Variants in NME7 observed in about 807,000 individuals in gnomAD.
The protein encoded by NME7 is NME/NM23 family member 7.
A neutral mutation model predicts 49.1 loss-of-function variants in NME7; 41 were observed. That is an observed-to-expected ratio of 0.83 (90% CI 0.65 to 1.08). NME7 has a LOEUF of 1.08. Ranked by LOEUF, NME7 falls within the 50% of genes least tolerant of loss-of-function variation. The pLI, the probability that NME7 is intolerant of heterozygous loss-of-function variation, is 0.00. For missense variants in NME7, 423 were observed against 463.4 expected, an observed-to-expected ratio of 0.91 and a Z score of 0.80; for synonymous variants, 139 against 150.6, an observed-to-expected ratio of 0.92 and a Z score of 0.56.
At chr1:169,270,022 C>T (rs1473081285) in intron 7 of NME7, among the ~76,000 whole-genome samples, 2 of 133,456 alleles carry the variant, frequency 1.5e-5, no homozygotes, top group East Asian at 4.0e-4. Flanking sequence ...CCTCCTACCT[C>T]GGCCTCCTAG....
At chr1:169,209,323 C>T (rs1249556319) in intron 10 of NME7, among the ~76,000 whole-genome samples, 1 of 151,914 alleles carries the variant, frequency 6.6e-6, no homozygotes, top group African/African-American at 2.4e-5. Context: ...TTTATATGTA[C>T]GTGATATTTA....
rs1410414192 is a variant in NME7 at position 169,276,470 on chromosome 1, T to G, written c.754+10833A>C. The stretch of plus-strand genomic sequence containing the variant: ...TTTCTTCTCGATTTTCTAGTTTATT[T>G]GCGTAGAGGTGTTTGTAGTATTCTC... On this transcript the variant is annotated intron_variant, in intron 7 of 11. Transcript: ENST00000367811. 5.2e-5 allele frequency among the ~76,000 whole-genome samples: 7 copies of G among 133,936 alleles called. 1 individual carries two copies. The highest frequency in any genetic ancestry group is 1.8e-4 in the African/African-American group (7 of 39,572). The allele number at this position is 133,936 out of a possible 152,430, so 87.9% of individuals were successfully genotyped here.
chr1:169,319,744 G>A (rs1363906241), intron 3 of NME7, among the ~76,000 whole-genome samples: 2 of 151,976 alleles, frequency 1.3e-5, no homozygotes, highest in African/African-American at 4.8e-5. Context: ...TTAATAGATG[G>A]GCACAAGAAT....
At chr1:169,211,915 T>C (rs1660832564) in intron 10 of NME7, among the ~76,000 whole-genome samples, 1 of 152,190 alleles carries the variant, frequency 6.6e-6, no homozygotes, top group Non-Finnish European at 1.5e-5. Context: ...AAAAATATGA[T>C]ACAATATTGT....
intron 10 of NME7, among the ~76,000 whole-genome samples, chr1:169,194,628 A>G (rs187551262): frequency 6.6e-6 from 1 of 152,280 alleles, no homozygotes; most frequent in Admixed American, 6.5e-5. Context: ...CACTCATTCT[A>G]TTTTACAGAA....
chr1:169,279,430 T>G (rs1649905243), intron 7 of NME7, among the ~76,000 whole-genome samples: 1 of 152,202 alleles, frequency 6.6e-6, no homozygotes, highest in Non-Finnish European at 1.5e-5. Flanking sequence ...CAACTTGCAG[T>G]TTGATCTCAC....
At chr1:169,224,687 C>G (rs1338579803) in intron 10 of NME7, among the ~76,000 whole-genome samples, 1 of 151,984 alleles carries the variant, frequency 6.6e-6, no homozygotes, top group Non-Finnish European at 1.5e-5. Flanking sequence ...AAAATCTATT[C>G]ATTTGTCCAG....
intron 9 of NME7, among the ~76,000 whole-genome samples, chr1:169,233,061 G>A (rs370693539): frequency 2.8e-4 from 43 of 151,278 alleles, no homozygotes; most frequent in African/African-American, 9.9e-4. Flanking sequence ...TGGGACTACA[G>A]GCACCCACCA....
chr1:169,280,979 C>T (rs1221618718), intron 7 of NME7, among the ~76,000 whole-genome samples: 1 of 151,892 alleles, frequency 6.6e-6, no homozygotes, highest in Non-Finnish European at 1.5e-5. Flanking sequence ...TAGTTTTTTT[C>T]CAATTCTGTG....
rs1292164786 is a variant in NME7, at chr1:169,275,740, G to A, written c.754+11563C>T. ...ACACTATGTTGAATAGGAGTGGTGA[G>A]AGAGGGCATCCCTGTCCTGTGCCAG... On this transcript the variant is annotated intron_variant, in intron 7 of 11. Coordinates refer to ENST00000367811, the MANE Select transcript of NME7 (RefSeq NM_013330.5). Among the ~76,000 whole-genome samples the A allele has an allele frequency of 4.5e-5, 6 of 132,850 alleles. 2 individuals are homozygous for A. Among genetic ancestry groups the A allele is most frequent in the Non-Finnish European group, 1.1e-4 (6 of 56,656 alleles). 87.2% of individuals were successfully genotyped at this position (132,850 alleles called of 152,430 possible).
chr1:169,330,604 G>A (rs541790738), intron 1 of NME7, among the ~76,000 whole-genome samples: 14 of 152,026 alleles, frequency 9.2e-5, no homozygotes, highest in Admixed American at 5.3e-4. Context: ...GCTTGAACCC[G>A]GGAGGAGGAG....
chr1:169,259,101 A>T lies in NME7; in HGVS notation c.755-21414T>A, dbSNP rs1286102689. 6.0e-5 allele frequency among the ~76,000 whole-genome samples: 8 copies of T among 134,340 alleles called. 4 individuals are homozygous for T. Among genetic ancestry groups the T allele is most frequent in the Non-Finnish European group, 1.4e-4 (8 of 57,218 alleles). 88.1% of individuals were successfully genotyped at this position (134,340 alleles called of 152,430 possible). A position where few individuals can be genotyped will look rare whatever the true frequency, so the allele number is the denominator to read the frequency against. ...AATTGTAAAATATTGAATACATTTTACATTGTAAAATATAAAATATACTTT... is the reference window on the plus strand; with the variant it reads ...AATTGTAAAATATTGAATACATTTTTCATTGTAAAATATAAAATATACTTT... On this transcript the variant is annotated intron_variant, in intron 7 of 11. Coordinates refer to ENST00000367811, the MANE Select transcript of NME7 (RefSeq NM_013330.5).
chr1:169,191,895 T>C (rs986273287), intron 10 of NME7, among the ~76,000 whole-genome samples: 1 of 152,190 alleles, frequency 6.6e-6, no homozygotes, highest in Non-Finnish European at 1.5e-5. Flanking sequence ...ACTCAGAATG[T>C]GGTCTGTGGT....
chr1:169,182,873 T>C (rs1250462810), intron 10 of NME7, among the ~76,000 whole-genome samples: 3 of 152,228 alleles, frequency 2.0e-5, no homozygotes, highest in Admixed American at 6.5e-5. Flanking sequence ...ACCAATAGTC[T>C]GGGCTCCTTA....
chr1:169,310,008 T>C lies in NME7; in HGVS notation c.351A>G (p.Gly117=), dbSNP rs770123118. The change falls in exon 4 of 12, where the codon GGA becomes GGG. Residue 117 remains glycine (G), a synonymous_variant. Transcript: ENST00000367811. ...GEIIEIINKA[G]FTITKLKMMM... is the part of the protein sequence containing the mutation. ...TCATTTTGAGTTTGGTTATAGTAAA[T>C]CCAGCTTTGTTTATTATTTCAATTA... is the stretch of plus-strand genomic sequence containing the variant. 3 of 1,606,290 alleles carry C rather than the reference T, an allele frequency of 1.9e-6. No individual in the cohort carries two copies. Among genetic ancestry groups the C allele is most frequent in the Non-Finnish European group, 2.6e-6 (3 of 1,176,196 alleles).
intron 7 of NME7, among the ~76,000 whole-genome samples, chr1:169,277,740 T>G (rs1649799862): frequency 9.6e-6 from 1 of 103,980 alleles, no homozygotes; most frequent in Non-Finnish European, 2.1e-5. Context: ...TGATGTTAGC[T>G]GGTTATTTTG....
chr1:169,266,978 G>C lies in NME7; in HGVS notation c.754+20325C>G, dbSNP rs1180372854. Among the ~76,000 whole-genome samples the C allele has an allele frequency of 2.3e-5, 3 of 133,074 alleles. 1 individual carries two copies. The highest frequency in any genetic ancestry group is 7.6e-5 in the African/African-American group (3 of 39,282). 87.3% of individuals were successfully genotyped at this position (133,074 alleles called of 152,430 possible). ...AGCTACTTGGGAGGCTGAGGCACAA[G>C]AATCGCTTGAACCTGGGAGGTGGAG... On this transcript the variant is annotated intron_variant, in intron 7 of 11. Transcript: ENST00000367811.
chr1:169,331,671 A>G (rs905436188), intron 1 of NME7, among the ~76,000 whole-genome samples: 1 of 152,210 alleles, frequency 6.6e-6, no homozygotes, highest in Non-Finnish European at 1.5e-5. Context: ...ATATGCCAAC[A>G]GTGAACAATC....
At chr1:169,363,075 GA>G (rs35940727) in intron 1 of NME7, among the ~76,000 whole-genome samples, 144 of 141,722 alleles carry the variant, frequency 1.0e-3, no homozygotes, top group African/African-American at 1.9e-3. Flanking sequence ...CCCTGTCTCT[GA>G]AAAAAAAAAA....
Sources: gnomAD v4.1 joint callset for allele counts (sites outside exome capture counted in the v4.1 genomes callset) on GRCh38, gnomAD v4.1.1 for gene constraint, MANE v1.5 for transcripts, NCBI Gene and HGNC (gene_info 2026-07-23, HGNC 2026-07-21) for gene names.